PCDHB12: variants seen among roughly 807,000 people sequenced by gnomAD.
PCDHB12 encodes the protein protocadherin beta 12, also known as protocadherin beta-12.
For missense variants in PCDHB12, 1,192 were observed against 998.2 expected (o/e 1.19, Z -2.62); for synonymous variants, 560 against 445.2 (o/e 1.26, Z -3.24).
rs1754361445 is a variant in PCDHB12, at chr5:141,208,967, G to T, written c.60G>T (p.Leu20Phe). Residue 20 changes from leucine (L) to phenylalanine (F), a missense_variant, in exon 1 of 1, where the codon TTG (leucine) becomes TTT (phenylalanine). Leu to Phe is a conservative substitution (Grantham distance 22, BLOSUM62 0). Coordinates refer to ENST00000239450, the MANE Select transcript of PCDHB12 (RefSeq NM_018932.4). ...GGCAAGTCCTGCTTTTCTTTGTTTT[G>T]CTGGGAATGTCTCAGGCGGGCTCTG... is the stretch of plus-strand genomic sequence containing the variant. ...QIRQVLLFFV[L>F]LGMSQAGSET... 3.2e-6 allele frequency: 5 copies of T among 1,572,302 alleles called. No homozygotes were observed. The highest frequency in any genetic ancestry group is 2.2e-5 in the East Asian group (1 of 44,656).
Position 141,210,416 on chromosome 5 carries a change from G to T in PCDHB12, c.1509G>T (p.Leu503=). ...SQDPHLPLAS[L]VSINADNGHL... ...ACCCGCACCTGCCCCTCGCCTCCCTGGTCTCCATCAACGCGGACAACGGCC... is the reference window on the plus strand; with the variant it reads ...ACCCGCACCTGCCCCTCGCCTCCCTTGTCTCCATCAACGCGGACAACGGCC... The change falls in exon 1 of 1, where the codon CTG becomes CTT. Residue 503 remains leucine, a synonymous_variant. Transcript: ENST00000239450. 1 of 1,613,104 alleles carries T rather than the reference G, an allele frequency of 6.2e-7. No homozygotes were observed. The highest frequency in any genetic ancestry group is 1.1e-5 in the South Asian group (1 of 91,034).
chr5:141,210,494 C>A lies in PCDHB12; in HGVS notation c.1587C>A (p.Phe529Leu). The A allele has an allele frequency of 6.2e-7, 1 of 1,612,538 alleles. No homozygotes were observed. The highest frequency in any genetic ancestry group is 8.5e-7 in the Non-Finnish European group (1 of 1,179,850). ...LDYEALQGFQ[F>L]RVGATDHGSP... is the part of the protein sequence containing the mutation. ...ACGAGGCCCTGCAGGGGTTCCAGTT[C>A]CGCGTGGGCGCCACAGACCACGGCT... is the stretch of plus-strand genomic sequence containing the variant. The change falls in exon 1 of 1, where the codon TTC (phenylalanine) becomes TTA (leucine). Residue 529 changes from phenylalanine (F) to leucine (L), a missense_variant. Phe to Leu is a conservative substitution (Grantham distance 22, BLOSUM62 0). Transcript: ENST00000239450.
In PCDHB12 at chr5:141,211,392, T is replaced by C; in HGVS notation, c.*97T>C. On this transcript the variant is annotated 3_prime_UTR_variant, in exon 1 of 1. Transcript: ENST00000239450. ...AAGTAGTATTTTTGATCACTTCAAA[T>C]ACATACTCTTCAAGTCAAGAAATAA... 8.5e-7 allele frequency: 1 copy of C among 1,169,734 alleles called. No homozygotes were observed. Among genetic ancestry groups the C allele is most frequent in the Non-Finnish European group, 1.2e-6 (1 of 809,538 alleles). 72.5% of individuals were successfully genotyped at this position (1,169,734 alleles called of 1,614,324 possible).
rs1233305877 is a variant in PCDHB12, at chr5:141,208,962, G to A, written c.55G>A (p.Val19Ile). ...GATAAGGCAAGTCCTGCTTTTCTTT[G>A]TTTTGCTGGGAATGTCTCAGGCGGG... is the stretch of plus-strand genomic sequence containing the variant. Reference protein sequence around the residue: ...LQIRQVLLFFVLLGMSQAGSE... With the variant: ...LQIRQVLLFFILLGMSQAGSE... Residue 19 changes from valine (V) to isoleucine (I), a missense_variant, in exon 1 of 1, where the codon GTT (valine) becomes ATT (isoleucine). By Grantham distance (29) the Val-to-Ile change is conservative (BLOSUM62 3). Coordinates refer to ENST00000239450, the MANE Select transcript of PCDHB12 (RefSeq NM_018932.4). 2 of 1,565,008 alleles carry A rather than the reference G, an allele frequency of 1.3e-6. No homozygotes were observed. Among genetic ancestry groups the A allele is most frequent in the African/African-American group, 2.7e-5 (2 of 72,844 alleles).
chr5:141,212,033 C>G lies in PCDHB12; in HGVS notation c.*738C>G, dbSNP rs1469027712. 1.2e-5 allele frequency: 2 copies of G among 166,950 alleles called. No individual in the cohort carries two copies. Among genetic ancestry groups the G allele is most frequent in the Non-Finnish European group, 2.9e-5 (2 of 68,088 alleles). 10.3% of individuals were successfully genotyped at this position (166,950 alleles called of 1,614,324 possible). ...TCTATGATTTCATTTTCTTATAAAC[C>G]AGTAATCTTGCTTTTCTGGGTAAAT... is the stretch of plus-strand genomic sequence containing the variant. On this transcript the variant is annotated 3_prime_UTR_variant, in exon 1 of 1. Coordinates refer to ENST00000239450, the MANE Select transcript of PCDHB12 (RefSeq NM_018932.4).
At position 141,210,921 on chromosome 5, in the gene PCDHB12, C is replaced by G; in HGVS notation, c.2014C>G (p.Pro672Ala). 6.2e-6 allele frequency: 10 copies of G among 1,610,636 alleles called. No individual in the cohort carries two copies. The highest frequency in any genetic ancestry group is 8.5e-6 in the Non-Finnish European group (10 of 1,179,714). Residue 672 changes from proline (P) to alanine (A), a missense_variant, in exon 1 of 1, where the codon CCT becomes GCT. Physicochemically the swap from Pro to Ala is conservative, Grantham distance 27. Coordinates refer to ENST00000239450, the MANE Select transcript of PCDHB12 (RefSeq NM_018932.4). Reference sequence around the variant, plus strand: ...GGACGGCTTCTCCCAGCCCTACCTGCCTCTCCCGGAGGCGGCCCCGGCCCA... The same window carrying G: ...GGACGGCTTCTCCCAGCCCTACCTGGCTCTCCCGGAGGCGGCCCCGGCCCA... Reference protein sequence around the residue: ...LVDGFSQPYLPLPEAAPAQAQ... With the variant: ...LVDGFSQPYLALPEAAPAQAQ...
Position 141,208,845 on chromosome 5 carries a change from A to T in PCDHB12, c.-63A>T. 7.0e-7 allele frequency: 1 copy of T among 1,436,810 alleles called. No individual in the cohort carries two copies. The allele number at this position is 1,436,810 out of a possible 1,614,324, so 89.0% of individuals were successfully genotyped here. On this transcript the variant is annotated 5_prime_UTR_variant, in exon 1 of 1. Transcript: ENST00000239450. ...TAGACAGATCAGAGGCACGTTTCCC[A>T]CAACTGCGAAGAGGCGCTGAGGCAA...
At position 141,210,514 on chromosome 5, in the gene PCDHB12, A is replaced by T. The variant is rs149275130; in HGVS notation, c.1607A>T (p.His536Leu). The T allele has an allele frequency of 2.0e-4, 320 of 1,612,052 alleles. No homozygotes were observed. The highest frequency in any genetic ancestry group is 2.6e-4 in the Non-Finnish European group (308 of 1,179,796). ...GFQFRVGATD[H>L]GSPALSSEAL... ...CAGTTCCGCGTGGGCGCCACAGACC[A>T]CGGCTCCCCGGCTTTGAGCAGCGAG... Residue 536 changes from histidine to leucine, a missense_variant, in exon 1 of 1, where the codon CAC (histidine) becomes CTC (leucine). By Grantham distance (99) the His-to-Leu change is moderately conservative. Transcript: ENST00000239450.
In PCDHB12 at chr5:141,209,534, T is replaced by G; in HGVS notation, c.627T>G (p.Ser209Arg). The change falls in exon 1 of 1, where the codon AGT becomes AGG. Residue 209 changes from serine (S) to arginine (R), a missense_variant. Ser to Arg is a moderately radical substitution (Grantham distance 110). Coordinates refer to ENST00000239450, the MANE Select transcript of PCDHB12 (RefSeq NM_018932.4). ...ALDYEERPEL[S>R]FILTALDGGS... ...ATTATGAAGAGCGCCCGGAGCTCAGTTTCATCCTCACTGCTCTGGATGGCG... is the reference window on the plus strand; with the variant it reads ...ATTATGAAGAGCGCCCGGAGCTCAGGTTCATCCTCACTGCTCTGGATGGCG... 6.2e-7 allele frequency: 1 copy of G among 1,614,168 alleles called. No homozygotes were observed.
chr5:141,210,363 G>A lies in PCDHB12; in HGVS notation c.1456G>A (p.Val486Ile). 2 of 1,613,030 alleles carry A rather than the reference G, an allele frequency of 1.2e-6. No individual in the cohort carries two copies. The highest frequency in any genetic ancestry group is 1.7e-6 in the Non-Finnish European group (2 of 1,180,034). ...CAGAGACTCGGGCACCAACGCCCAG[G>A]TCAACTACTCGCTGCTGCCGTCCCA... ...TDRDSGTNAQ[V>I]NYSLLPSQDP... is the part of the protein sequence containing the mutation. The change falls in exon 1 of 1, where the codon GTC becomes ATC. Residue 486 changes from valine to isoleucine, a missense_variant. Transcript: ENST00000239450.
chr5:141,209,365 T>G lies in PCDHB12; in HGVS notation c.458T>G (p.Leu153Trp), dbSNP rs1390338075. The part of the protein sequence containing the change: ...PENSPVGAVF[L>W]LESAKDLDVG... ...AACAGTCCTGTTGGTGCTGTGTTCTTGCTTGAAAGTGCAAAGGATTTAGAT... is the reference window on the plus strand; with the variant it reads ...AACAGTCCTGTTGGTGCTGTGTTCTGGCTTGAAAGTGCAAAGGATTTAGAT... Residue 153 changes from leucine to tryptophan, a missense_variant, in exon 1 of 1, where the codon TTG (leucine) becomes TGG (tryptophan). Transcript: ENST00000239450. 1 of 1,614,206 alleles carries G rather than the reference T, an allele frequency of 6.2e-7. No individual in the cohort carries two copies. The highest frequency in any genetic ancestry group is 8.5e-7 in the Non-Finnish European group (1 of 1,180,044).
At position 141,212,513 on chromosome 5, in the gene PCDHB12, G is replaced by C. The variant is rs1554287358; in HGVS notation, c.*1218G>C. 1 of 152,050 alleles carries C rather than the reference G, an allele frequency of 6.6e-6. No homozygotes were observed. The highest frequency in any genetic ancestry group is 1.9e-4 in the East Asian group (1 of 5,204). 9.4% of individuals were successfully genotyped at this position (152,050 alleles called of 1,614,324 possible). A position where few individuals can be genotyped will look rare whatever the true frequency, so the allele number is the denominator to read the frequency against. Reference sequence around the variant, plus strand: ...TAAAATAGGTAATTTTTGCATAGTTGTGTTCTAAATATATTATAAACTAGT... The same window carrying C: ...TAAAATAGGTAATTTTTGCATAGTTCTGTTCTAAATATATTATAAACTAGT... On this transcript the variant is annotated 3_prime_UTR_variant, in exon 1 of 1. Coordinates refer to ENST00000239450, the MANE Select transcript of PCDHB12 (RefSeq NM_018932.4).
rs782048146 is a variant in PCDHB12 at position 141,209,175 on chromosome 5, C to T, written c.268C>T (p.Leu90=). The change falls in exon 1 of 1, where the codon CTA becomes TTA. Residue 90 remains leucine, a synonymous_variant. Transcript: ENST00000239450. ...NTGDLLLREM[L]DREELCGSNE... The stretch of plus-strand genomic sequence containing the variant: ...TGGGGATTTGCTCCTGAGAGAAATG[C>T]TAGACAGGGAGGAGCTCTGTGGCTC... The T allele has an allele frequency of 6.2e-7, 1 of 1,614,130 alleles. No homozygotes were observed. The highest frequency in any genetic ancestry group is 1.1e-5 in the South Asian group (1 of 91,082).
rs782234000 is a variant in PCDHB12, at chr5:141,210,055, G to A, written c.1148G>A (p.Cys383Tyr). 1.9e-6 allele frequency: 3 copies of A among 1,614,054 alleles called. No homozygotes were observed. The highest frequency in any genetic ancestry group is 1.7e-6 in the Non-Finnish European group (2 of 1,180,038). ...TCTGGGGACAACGGAAAGATGGTTTGTTCTATCCCGGAGGACATCCCATTC... is the reference window on the plus strand; with the variant it reads ...TCTGGGGACAACGGAAAGATGGTTTATTCTATCCCGGAGGACATCCCATTC... The part of the protein sequence containing the change: ...RDSGDNGKMV[C>Y]SIPEDIPFVL... The change falls in exon 1 of 1, where the codon TGT becomes TAT. Residue 383 changes from cysteine (C) to tyrosine (Y), a missense_variant. Physicochemically the swap from Cys to Tyr is radical, Grantham distance 194. Transcript: ENST00000239450.
In PCDHB12 at chr5:141,211,089, C is replaced by T; in HGVS notation, c.2182C>T (p.Pro728Ser). Residue 728 changes from proline (P) to serine (S), a missense_variant, in exon 1 of 1, where the codon CCT becomes TCT. Pro to Ser is a moderately conservative substitution (Grantham distance 74, BLOSUM62 -1). Transcript: ENST00000239450. ...GGCCCCGGTCGGTCGCTGCTCGGTG[C>T]CTGAGGGCCCCTTTCCAGGACATCT... ...RAAPVGRCSV[P>S]EGPFPGHLVD... is the part of the protein sequence containing the mutation. 2 of 1,613,892 alleles carry T rather than the reference C, an allele frequency of 1.2e-6. No individual in the cohort carries two copies. The highest frequency in any genetic ancestry group is 1.7e-6 in the Non-Finnish European group (2 of 1,180,018).
Position 141,211,252 on chromosome 5 carries a change from A to G in PCDHB12, c.2345A>G (p.Glu782Gly), listed in dbSNP as rs536717308. ...PNFLPQSTGS[E>G]VEENPPFQNN... is the part of the protein sequence containing the mutation. Reference sequence around the variant, plus strand: ...TTCCTACCCCAGAGCACAGGTAGTGAAGTCGAAGAAAATCCCCCATTTCAG... The same window carrying G: ...TTCCTACCCCAGAGCACAGGTAGTGGAGTCGAAGAAAATCCCCCATTTCAG... Residue 782 changes from glutamate to glycine, a missense_variant, in exon 1 of 1, where the codon GAA becomes GGA. Coordinates refer to ENST00000239450, the MANE Select transcript of PCDHB12 (RefSeq NM_018932.4). 1 of 1,603,882 alleles carries G rather than the reference A, an allele frequency of 6.2e-7. No individual in the cohort carries two copies. The highest frequency in any genetic ancestry group is 8.5e-7 in the Non-Finnish European group (1 of 1,176,844).
rs1563981006 is a variant in PCDHB12 at position 141,211,026 on chromosome 5, C to A, written c.2119C>A (p.Leu707Met). 6.2e-7 allele frequency: 1 copy of A among 1,612,392 alleles called. No homozygotes were observed. Among genetic ancestry groups the A allele is most frequent in the Non-Finnish European group, 8.5e-7 (1 of 1,179,968 alleles). Residue 707 changes from leucine (L) to methionine (M), a missense_variant, in exon 1 of 1, where the codon CTG (leucine) becomes ATG (methionine). Transcript: ENST00000239450. ...GTCGCTCTTCCTCTTCTCGGTGCTC[C>A]TGTTCGTGGCGGTGCGGCTGTGCAG... ...VSSLFLFSVL[L>M]FVAVRLCRRS...
At position 141,210,052 on chromosome 5, in the gene PCDHB12, T is replaced by C; in HGVS notation, c.1145T>C (p.Val382Ala). 6.2e-7 allele frequency: 1 copy of C among 1,614,156 alleles called. No individual in the cohort carries two copies. The highest frequency in any genetic ancestry group is 1.1e-5 in the South Asian group (1 of 91,082). The part of the protein sequence containing the change: ...DRDSGDNGKM[V>A]CSIPEDIPFV... ...GACTCTGGGGACAACGGAAAGATGG[T>C]TTGTTCTATCCCGGAGGACATCCCA... Residue 382 changes from valine to alanine, a missense_variant, in exon 1 of 1, where the codon GTT becomes GCT. Coordinates refer to ENST00000239450, the MANE Select transcript of PCDHB12 (RefSeq NM_018932.4).
At position 141,210,542 on chromosome 5, in the gene PCDHB12, G is replaced by T. The variant is rs1417047772; in HGVS notation, c.1635G>T (p.Ala545=). 14 of 1,611,782 alleles carry T rather than the reference G, an allele frequency of 8.7e-6. No individual in the cohort carries two copies. Among genetic ancestry groups the T allele is most frequent in the Admixed American group, 1.7e-5 (1 of 60,006 alleles). The change falls in exon 1 of 1, where the codon GCG becomes GCT. Residue 545 remains alanine (A), a synonymous_variant. Coordinates refer to ENST00000239450, the MANE Select transcript of PCDHB12 (RefSeq NM_018932.4). ...GCTCCCCGGCTTTGAGCAGCGAGGC[G>T]CTGGTGCGCGTGCTGGTGCTGGACG... The part of the protein sequence containing the change: ...DHGSPALSSE[A]LVRVLVLDAN...
Sources: gnomAD v4.1 joint callset for allele counts on GRCh38, gnomAD v4.1.1 for gene constraint, MANE v1.5 for transcripts, NCBI Gene and HGNC (gene_info 2026-07-23, HGNC 2026-07-21) for gene names.